FBXL2: variants seen among roughly 807,000 people sequenced by gnomAD.
FBXL2 encodes F-box and leucine rich repeat protein 2, also known as F-box/LRR-repeat protein 2.
Under a neutral mutation model 69.2 loss-of-function variants are expected in FBXL2, and 38 were observed. The observed-to-expected ratio is 0.55, with a 90% CI of 0.42 to 0.72. The LOEUF (loss-of-function observed/expected upper bound fraction) is 0.72, where lower values mean the gene tolerates loss of function less well. FBXL2 is among the 30% of genes least tolerant of loss of function. FBXL2 has a pLI of 0.00. For missense variants in FBXL2, 354 were observed against 520.3 expected, an observed-to-expected ratio of 0.68 and a Z score of 3.11; for synonymous variants, 192 against 201.3, an observed-to-expected ratio of 0.95 and a Z score of 0.39.
Position 33,377,547 on chromosome 3 carries a change from C to T in FBXL2, c.849+214C>T, listed in dbSNP as rs756971605. On this transcript the variant is annotated intron_variant, in intron 11 of 14. Coordinates refer to ENST00000484457, the MANE Select transcript of FBXL2 (RefSeq NM_012157.5). ...TTCTGTAAAGAGTCTGAGCCTCACG[C>T]GTGGTCAAGTGGGACCAGCCTCCTC... 3.9e-5 allele frequency among the ~76,000 whole-genome samples: 6 copies of T among 152,168 alleles called. No individual in the cohort carries two copies. The highest frequency in any genetic ancestry group is 9.7e-5 in the African/African-American group (4 of 41,436).
the FBXL2 span, among the ~76,000 whole-genome samples, chr3:33,415,352 A>C: frequency 1.3e-5 from 2 of 152,224 alleles, no homozygotes; most frequent in African/African-American, 2.4e-5. Flanking sequence ...TTTTCCTCAG[A>C]ACACTGAATG....
At chr3:33,355,170 T>A (rs1031485120) in intron 2 of FBXL2, among the ~76,000 whole-genome samples, 1 of 152,118 alleles carries the variant, frequency 6.6e-6, no homozygotes, top group African/African-American at 2.4e-5. Flanking sequence ...GCTTGGGTGA[T>A]CCTCCTCCCT....
chr3:33,413,903 C>G, the FBXL2 span, among the ~76,000 whole-genome samples: 1 of 152,160 alleles, frequency 6.6e-6, no homozygotes, highest in Admixed American at 6.6e-5. Flanking sequence ...ACACCAATGC[C>G]AGTGGTTCAC....
At chr3:33,351,291 C>T (rs1273668080) in intron 2 of FBXL2, among the ~76,000 whole-genome samples, 1 of 152,024 alleles carries the variant, frequency 6.6e-6, no homozygotes, top group Non-Finnish European at 1.5e-5. Context: ...TAAACCTCCT[C>T]CTGTAACTAA....
At position 33,382,586 on chromosome 3, in the gene FBXL2, C is replaced by T. The variant is rs1017810438; in HGVS notation, c.952-1403C>T. The stretch of plus-strand genomic sequence containing the variant: ...AATGGGTACACTGTGATTTATTTAT[C>T]CTTTCTCTACTTTTGAATATTTGAG... On this transcript the variant is annotated intron_variant, in intron 13 of 14. Transcript: ENST00000484457. 22 of 151,322 alleles carry T rather than the reference C, an allele frequency of 1.5e-4. 1 individual carries two copies. 9.4% of individuals were successfully genotyped at this position (151,322 alleles called of 1,614,324 possible).
At chr3:33,417,605 CA>C in the FBXL2 span, among the ~76,000 whole-genome samples, 6 of 152,122 alleles carry the variant, frequency 3.9e-5, no homozygotes, top group Admixed American at 2.0e-4. Flanking sequence ...TATTAGAAAA[CA>C]CAGATATTCA....
chr3:33,408,676 CAG>C, the FBXL2 span: 7 of 1,603,434 alleles, frequency 4.4e-6, no homozygotes, highest in Non-Finnish European at 6.0e-6. Flanking sequence ...AAAAGAGAAG[CAG>C]AAGTCCCTTA....
At chr3:33,389,243 T>A (rs952582547), downstream of FBXL2, 35 of 152,738 alleles carry the variant, frequency 2.3e-4, no homozygotes, top group African/African-American at 6.7e-4. Flanking sequence ...TGTCTATCCA[T>A]GATTGTACTA....
chr3:33,321,101 G>A (rs1288060495), intron 2 of FBXL2, among the ~76,000 whole-genome samples: 1 of 151,910 alleles, frequency 6.6e-6, no homozygotes, highest in Non-Finnish European at 1.5e-5. Context: ...CTTGAGGTCA[G>A]GAGTTCAAGA....
the FBXL2 span, among the ~76,000 whole-genome samples, chr3:33,412,212 A>C: frequency 6.7e-6 from 1 of 150,246 alleles, no homozygotes; most frequent in Non-Finnish European, 1.5e-5. Flanking sequence ...AAAAAGATAG[A>C]TGGTTTACAA....
intron 2 of FBXL2, among the ~76,000 whole-genome samples, chr3:33,351,829 C>G (rs1259404065): frequency 1.3e-5 from 2 of 151,922 alleles, no homozygotes; most frequent in African/African-American, 4.8e-5. Context: ...TTCGTAAAAC[C>G]TGCTTGGAAA....
chr3:33,390,069 G>A (rs573903808), downstream of FBXL2: 1 of 430,294 alleles, frequency 2.3e-6, no homozygotes, highest in East Asian at 3.4e-5. Context: ...TGCCAGAGCA[G>A]CAGGCAGCTA....
intron 4 of FBXL2, among the ~76,000 whole-genome samples, chr3:33,363,522 T>G (rs1208719842): frequency 6.6e-6 from 1 of 152,242 alleles, no homozygotes; most frequent in East Asian, 1.9e-4. Flanking sequence ...CACAATGCAT[T>G]TCTGTATTCC....
chr3:33,415,544 T>C, the FBXL2 span, among the ~76,000 whole-genome samples: 2 of 152,182 alleles, frequency 1.3e-5, no homozygotes, highest in Non-Finnish European at 2.9e-5. Context: ...TATACCACCA[T>C]ATGATGGATA....
the FBXL2 span, chr3:33,412,712 C>T: frequency 3.2e-6 from 5 of 1,570,242 alleles, no homozygotes; most frequent in South Asian, 2.2e-5. Flanking sequence ...CTTTTGATCA[C>T]TGCCTGTACC....
At chr3:33,284,125 C>G in intron 1 of FBXL2, among the ~76,000 whole-genome samples, 1 of 152,152 alleles carries the variant, frequency 6.6e-6, no homozygotes, top group Non-Finnish European at 1.5e-5. Context: ...TTCTCTAGTT[C>G]TTTTAATTGT....
chr3:33,375,726 TGAG>T (rs2042592668), intron 10 of FBXL2, among the ~76,000 whole-genome samples: 1 of 152,196 alleles, frequency 6.6e-6, no homozygotes, highest in Non-Finnish European at 1.5e-5. Context: ...GAGCACATAG[TGAG>T]GAGAGTGATA....
At chr3:33,371,616 G>A (rs1293229839) in intron 5 of FBXL2, among the ~76,000 whole-genome samples, 3 of 152,110 alleles carry the variant, frequency 2.0e-5, no homozygotes. Flanking sequence ...ATTTGTGTCA[G>A]TTTAGAGTAG....
At chr3:33,377,445 A>G (rs2042716570) in intron 11 of FBXL2, 112 bp downstream of exon 11, 2 of 994,844 alleles carry the variant, frequency 2.0e-6, no homozygotes, top group Middle Eastern at 2.1e-4. Context: ...AGACAGGCAC[A>G]AAGTAGAGTA....
Sources: gnomAD v4.1 joint callset for allele counts (sites outside exome capture counted in the v4.1 genomes callset) on GRCh38, gnomAD v4.1.1 for gene constraint, MANE v1.5 for transcripts, NCBI Gene and HGNC (gene_info 2026-07-23, HGNC 2026-07-21) for gene names.